The following ASTN1 variants were observed in gnomAD, a reference collection of about 807,000 sequenced individuals.
ASTN1 encodes the protein astrotactin 1.
ASTN1 carries 41 observed loss-of-function variants against 140.7 expected under a neutral mutation model. The ratio of observed to expected loss-of-function variants is 0.29; its 90% CI spans 0.23 to 0.38. The LOEUF (loss-of-function observed/expected upper bound fraction) is 0.38. Among genes scored for constraint, ASTN1 ranks in the 10% least tolerant of loss-of-function variants. The pLI is 1.00. For missense variants in ASTN1, 1,479 were observed against 1,678.8 expected (o/e 0.88, Z 2.08); for synonymous variants, 640 against 652.2 (o/e 0.98, Z 0.29).
At chr1:177,059,462 T>C (rs1677973237) in intron 2 of ASTN1, among the ~76,000 whole-genome samples, 1 of 152,224 alleles carries the variant, frequency 6.6e-6, no homozygotes. Flanking sequence ...TCCCATGCTA[T>C]AAACCTTGAT....
At chr1:177,045,970 G>C (rs1035412215) in intron 2 of ASTN1, among the ~76,000 whole-genome samples, 7 of 152,188 alleles carry the variant, frequency 4.6e-5, no homozygotes, top group Non-Finnish European at 8.8e-5. Flanking sequence ...TGAAACGAAA[G>C]TGCTAATTTT....
intron 2 of ASTN1, among the ~76,000 whole-genome samples, chr1:177,051,931 A>G (rs1438651752): frequency 1.3e-5 from 2 of 152,190 alleles, no homozygotes; most frequent in African/African-American, 4.8e-5. Flanking sequence ...AAATTAATAA[A>G]TGAAGTTCTT....
At chr1:177,163,656 T>C (rs1267094373) in intron 1 of ASTN1, among the ~76,000 whole-genome samples, 2 of 152,182 alleles carry the variant, frequency 1.3e-5, no homozygotes, top group East Asian at 1.9e-4. Flanking sequence ...CCTACGCCTA[T>C]CTAAGGTGGC....
chr1:177,036,576 C>T (rs1676729805), intron 2 of ASTN1, among the ~76,000 whole-genome samples: 1 of 152,078 alleles, frequency 6.6e-6, no homozygotes, highest in African/African-American at 2.4e-5. Context: ...TAATATGTGA[C>T]ATTATTTAAT....
At chr1:177,008,461 AAGAG>A (rs1297817646) in intron 8 of ASTN1, among the ~76,000 whole-genome samples, 41 of 134,682 alleles carry the variant, frequency 3.0e-4, no homozygotes, top group Admixed American at 1.3e-3. Context: ...GAGGGAGAGG[AAGAG>A]AGAGAGAGAG....
At chr1:177,023,326 T>C in intron 7 of ASTN1, 78 bp downstream of exon 7, 1 of 1,479,734 alleles carries the variant, frequency 6.8e-7, no homozygotes. Context: ...TTGGGAGGCA[T>C]GGTCTGAATT....
At chr1:176,939,295 C>T (rs1193702919) in intron 14 of ASTN1, among the ~76,000 whole-genome samples, 1 of 152,038 alleles carries the variant, frequency 6.6e-6, no homozygotes, top group Non-Finnish European at 1.5e-5. Flanking sequence ...AAGTCCAGAA[C>T]AACAGAGGGA....
chr1:177,085,312 G>C (rs903500849), intron 1 of ASTN1, among the ~76,000 whole-genome samples: 1 of 152,098 alleles, frequency 6.6e-6, no homozygotes, highest in Non-Finnish European at 1.5e-5. Flanking sequence ...TGAAGGAAAA[G>C]TATCTGGTTG....
chr1:177,088,102 T>C (rs746355908), intron 1 of ASTN1, among the ~76,000 whole-genome samples: 3 of 152,242 alleles, frequency 2.0e-5, no homozygotes, highest in Non-Finnish European at 4.4e-5. Flanking sequence ...ACCAACTTCA[T>C]GTGCCTCAGA....
chr1:176,884,394 G>T lies in ASTN1; in HGVS notation c.3171C>A (p.Tyr1057Ter). 1 of 1,614,202 alleles carries T rather than the reference G, an allele frequency of 6.2e-7. No homozygotes were observed. Residue 1057 changes from tyrosine to a stop codon, truncating the protein, a stop_gained, in exon 19 of 23, where the codon TAC becomes TAA. Coordinates refer to ENST00000361833, the MANE Select transcript of ASTN1 (RefSeq NM_004319.3). LOFTEE classifies it high-confidence loss of function. ...CAGTGACTTTCTCTTGACGGAGGAG[G>T]TAATCTACAATCTGCACCCCGATTG... is the stretch of plus-strand genomic sequence containing the variant. ...EPPIGVQIVD[Y>*]LLRQEKVTDR...
chr1:176,947,758 C>T (rs994702060), intron 12 of ASTN1, among the ~76,000 whole-genome samples: 1 of 152,230 alleles, frequency 6.6e-6, no homozygotes, highest in African/African-American at 2.4e-5. Flanking sequence ...ACTGCCTCAT[C>T]TTCCTCATTC....
chr1:177,142,232 G>A (rs545573008), intron 1 of ASTN1, among the ~76,000 whole-genome samples: 68 of 150,218 alleles, frequency 4.5e-4, no homozygotes, highest in African/African-American at 1.6e-3. Context: ...CAAATTCTAG[G>A]CAAGGTGGTC....
chr1:176,934,237 G>A lies in ASTN1; in HGVS notation c.2586C>T (p.Tyr862=), dbSNP rs201677334. ...AGATAGAACAGGACTCCTCAAAGCCGTAGATAGCTTCCTGGATGTAATGGT... is the reference window on the plus strand; with the variant it reads ...AGATAGAACAGGACTCCTCAAAGCCATAGATAGCTTCCTGGATGTAATGGT... ...FGNHYIQEAI[Y]GFEESCSIWY... The change falls in exon 16 of 23, where the codon TAC becomes TAT. Residue 862 remains tyrosine, a synonymous_variant. Coordinates refer to ENST00000361833, the MANE Select transcript of ASTN1 (RefSeq NM_004319.3). The A allele has an allele frequency of 5.7e-5, 92 of 1,614,068 alleles. No individual in the cohort carries two copies. In the East Asian group the frequency reaches 1.4e-3, roughly 25 times the overall value.
intron 16 of ASTN1, among the ~76,000 whole-genome samples, chr1:176,916,164 G>A (rs938268018): frequency 2.6e-5 from 4 of 152,250 alleles, no homozygotes; most frequent in Admixed American, 6.5e-5. Context: ...GGTTGTGTTC[G>A]AATAACGGCT....
rs375744271 is a variant in ASTN1 at position 177,131,848 on chromosome 1, C to T, written c.283+32546G>A. Among the ~76,000 whole-genome samples, 116 of 152,222 alleles carry T rather than the reference C, an allele frequency of 7.6e-4. 3 individuals carry two copies. In the South Asian group the frequency reaches 0.023, roughly 31 times the overall value. ...CAGAAACCAGCAGAAGGAGAGCTATCGGTGAGAGAGGAAGCCAGGGTGATG... is the reference window on the plus strand; with the variant it reads ...CAGAAACCAGCAGAAGGAGAGCTATTGGTGAGAGAGGAAGCCAGGGTGATG... On this transcript the variant is annotated intron_variant, in intron 1 of 22. Coordinates refer to ENST00000361833, the MANE Select transcript of ASTN1 (RefSeq NM_004319.3).
In ASTN1 at chr1:177,148,342, C is replaced by T. The variant is rs554701664; in HGVS notation, c.283+16052G>A. On this transcript the variant is annotated intron_variant, in intron 1 of 22. Transcript: ENST00000361833. ...CTGAGGCAGGAGAATGGCGTGAACC[C>T]GGGAGGTGGAGGTTGCAGTGAGCCG... Among the ~76,000 whole-genome samples, 57 of 150,754 alleles carry T rather than the reference C, an allele frequency of 3.8e-4. No individual in the cohort carries two copies. In the South Asian group the frequency reaches 8.6e-3, roughly 23 times the overall value.
intron 8 of ASTN1, among the ~76,000 whole-genome samples, chr1:176,992,606 C>T (rs77517563): frequency 0.01 from 1,524 of 152,272 alleles, 17 homozygotes; most frequent in African/African-American, 0.034. Flanking sequence ...GTCTCCCTTC[C>T]TTTCTTTCCA....
At chr1:177,018,544 C>T (rs536811896) in intron 7 of ASTN1, among the ~76,000 whole-genome samples, 5 of 152,236 alleles carry the variant, frequency 3.3e-5, no homozygotes, top group East Asian at 3.9e-4. Context: ...TTTCAGTGAA[C>T]GTCTTGGATA....
chr1:177,114,488 T>C, intron 1 of ASTN1, among the ~76,000 whole-genome samples: 1 of 152,208 alleles, frequency 6.6e-6, no homozygotes, highest in South Asian at 2.1e-4. Context: ...TTATATGCAG[T>C]TATAAAAAGT....
Sources: gnomAD v4.1 joint callset for allele counts (sites outside exome capture counted in the v4.1 genomes callset) on GRCh38, gnomAD v4.1.1 for gene constraint, MANE v1.5 for transcripts, NCBI Gene and HGNC (gene_info 2026-07-23, HGNC 2026-07-21) for gene names.